Variants in KCNQ5 observed in about 807,000 individuals in gnomAD.
The protein encoded by KCNQ5 is potassium voltage-gated channel subfamily Q member 5, also known as potassium voltage-gated channel subfamily KQT member 5.
Under a neutral mutation model 98.2 loss-of-function variants are expected in KCNQ5, and 30 were observed. The ratio of observed to expected loss-of-function variants is 0.31; its 90% CI spans 0.23 to 0.41. KCNQ5 has a LOEUF of 0.41. Ranked by LOEUF, KCNQ5 falls within the 10% of genes least tolerant of loss-of-function variation. The probability of loss-of-function intolerance (pLI) is 1.00; values close to 1 mark genes in which losing one functional copy is unlikely to be tolerated. For synonymous variants in KCNQ5, 458 were observed against 449.4 expected, an observed-to-expected ratio of 1.02 and a Z score of -0.24; for missense variants, 835 against 1,182.5, an observed-to-expected ratio of 0.71 and a Z score of 4.31.
At chr6:72,809,345 A>G (rs374727608) in intron 1 of KCNQ5, among the ~76,000 whole-genome samples, 43 of 151,646 alleles carry the variant, frequency 2.8e-4, no homozygotes, top group African/African-American at 9.9e-4. Flanking sequence ...ATACATATGT[A>G]ACTAACCTGC....
chr6:72,669,512 G>T (rs1307883453), intron 1 of KCNQ5, among the ~76,000 whole-genome samples: 3 of 152,186 alleles, frequency 2.0e-5, no homozygotes, highest in Non-Finnish European at 4.4e-5. Flanking sequence ...CTCTGAGGCA[G>T]CTCCACTCTC....
At chr6:73,110,798 A>G (rs1012470791) in intron 6 of KCNQ5, among the ~76,000 whole-genome samples, 2 of 152,196 alleles carry the variant, frequency 1.3e-5, no homozygotes, top group African/African-American at 4.8e-5. Context: ...TCATGAATAG[A>G]GAATCTAACT....
At chr6:72,652,668 C>T (rs563479732) in intron 1 of KCNQ5, among the ~76,000 whole-genome samples, 69 of 152,098 alleles carry the variant, frequency 4.5e-4, no homozygotes, top group Non-Finnish European at 8.5e-4. Context: ...TGGGATTTCT[C>T]GTGGGCTTTT....
chr6:72,760,276 A>G (rs1016576992), intron 1 of KCNQ5, among the ~76,000 whole-genome samples: 3 of 152,170 alleles, frequency 2.0e-5, no homozygotes, highest in African/African-American at 7.2e-5. Flanking sequence ...ATTTTGGTCT[A>G]ACAGACAGTG....
At chr6:73,022,800 A>G (rs1194412088) in intron 2 of KCNQ5, among the ~76,000 whole-genome samples, 1 of 152,178 alleles carries the variant, frequency 6.6e-6, no homozygotes, top group Non-Finnish European at 1.5e-5. Context: ...ATAGATGGAG[A>G]CATTTGAGGT....
At chr6:73,138,149 G>A (rs1003585786) in intron 10 of KCNQ5, among the ~76,000 whole-genome samples, 2 of 152,166 alleles carry the variant, frequency 1.3e-5, no homozygotes, top group African/African-American at 4.8e-5. Context: ...ACTGGTCTGT[G>A]TCTATTTTCC....
In KCNQ5 at chr6:73,000,464, A is replaced by G. The variant is rs558375423; in HGVS notation, c.399-3444A>G. The stretch of plus-strand genomic sequence containing the variant: ...CATGTTCCATACATTTACTTTTTCT[A>G]GGGGGAAAAAAATACTTCCATATCT... On this transcript the variant is annotated intron_variant, in intron 1 of 13. Coordinates refer to ENST00000370398, the MANE Select transcript of KCNQ5 (RefSeq NM_019842.4). Among the ~76,000 whole-genome samples the G allele has an allele frequency of 2.0e-5, 3 of 152,278 alleles. No individual in the cohort carries two copies. The East Asian group carries it at 5.8e-4, about 29-fold the overall frequency.
chr6:73,091,515 A>G (rs1449736898), intron 5 of KCNQ5, among the ~76,000 whole-genome samples: 1 of 152,134 alleles, frequency 6.6e-6, no homozygotes, highest in African/African-American at 2.4e-5. Context: ...AAAGAAAAAG[A>G]AAAGGGTGTC....
At position 72,868,087 on chromosome 6, in the gene KCNQ5, C is replaced by T. The variant is rs77952742; in HGVS notation, c.399-135821C>T. Among the ~76,000 whole-genome samples the T allele has an allele frequency of 3.6e-3, 550 of 152,212 alleles. 2 individuals carry two copies. Among genetic ancestry groups the T allele is most frequent in the Middle Eastern group, 0.014 (4 of 294 alleles). ...CGTCAGTCACATAGAGTTACATGGA[C>T]TGCATGTAACTTCATGGGAGTCCTC... On this transcript the variant is annotated intron_variant, in intron 1 of 13. Transcript: ENST00000370398.
At chr6:72,972,343 C>T (rs1767941582) in intron 1 of KCNQ5, among the ~76,000 whole-genome samples, 1 of 144,888 alleles carries the variant, frequency 6.9e-6, no homozygotes, top group South Asian at 2.3e-4. Flanking sequence ...TACCAGTCAA[C>T]AATCATTGAG....
chr6:72,663,171 A>C (rs1766615284), intron 1 of KCNQ5, among the ~76,000 whole-genome samples: 1 of 152,164 alleles, frequency 6.6e-6, no homozygotes, highest in Admixed American at 6.6e-5. Flanking sequence ...TAGCATTAGT[A>C]GAAATACCTA....
At chr6:72,980,452 T>C (rs2150296223) in intron 1 of KCNQ5, among the ~76,000 whole-genome samples, 1 of 152,274 alleles carries the variant, frequency 6.6e-6, no homozygotes, top group Non-Finnish European at 1.5e-5. Context: ...TGAATGGGAG[T>C]TCACTCATGA....
chr6:72,874,664 C>G (rs1187429146), intron 1 of KCNQ5, among the ~76,000 whole-genome samples: 1 of 152,062 alleles, frequency 6.6e-6, no homozygotes. Context: ...CTGCCATAAA[C>G]CTGGCACTGT....
intron 1 of KCNQ5, among the ~76,000 whole-genome samples, chr6:72,994,369 G>C (rs1258073512): frequency 3.0e-3 from 182 of 61,284 alleles, no homozygotes; most frequent in Non-Finnish European, 4.6e-3. Flanking sequence ...GTGGTGCGCC[G>C]TTTCTTAAGC....
chr6:72,778,118 G>A (rs927031974), intron 1 of KCNQ5, among the ~76,000 whole-genome samples: 104 of 152,264 alleles, frequency 6.8e-4, no homozygotes, highest in African/African-American at 2.4e-3. Context: ...AGAATGTCAG[G>A]CCAAAGATGA....
At chr6:73,089,419 T>C (rs1774139702) in intron 5 of KCNQ5, among the ~76,000 whole-genome samples, 2 of 152,160 alleles carry the variant, frequency 1.3e-5, no homozygotes, top group South Asian at 4.1e-4. Flanking sequence ...CCAGCGATTA[T>C]TTTTCTGTAA....
chr6:73,015,468 A>C (rs1439767559), intron 2 of KCNQ5, among the ~76,000 whole-genome samples: 2 of 152,158 alleles, frequency 1.3e-5, no homozygotes, highest in Non-Finnish European at 2.9e-5. Flanking sequence ...AAAGATAATG[A>C]TTGTGCCTGA....
chr6:72,634,574 G>A (rs2098922886), intron 1 of KCNQ5, among the ~76,000 whole-genome samples: 5 of 152,078 alleles, frequency 3.3e-5, no homozygotes, highest in Non-Finnish European at 5.9e-5. Flanking sequence ...TTGTTTGTTT[G>A]TTTGTTTTAG....
chr6:72,833,447 A>G (rs1323068858), intron 1 of KCNQ5, among the ~76,000 whole-genome samples: 2 of 152,192 alleles, frequency 1.3e-5, no homozygotes, highest in African/African-American at 4.8e-5. Context: ...AGTGACGTGT[A>G]TTACCCCACA....
Sources: gnomAD v4.1 joint callset for allele counts (sites outside exome capture counted in the v4.1 genomes callset) on GRCh38, gnomAD v4.1.1 for gene constraint, MANE v1.5 for transcripts, NCBI Gene and HGNC (gene_info 2026-07-23, HGNC 2026-07-21) for gene names.